The following TRPM6 variants were observed in gnomAD, a reference collection of about 807,000 sequenced individuals.
TRPM6 encodes the protein transient receptor potential cation channel subfamily M member 6.
Under a neutral mutation model 247.6 loss-of-function variants are expected in TRPM6, and 111 were observed. That is an observed-to-expected ratio of 0.45 (90% CI 0.38 to 0.52). The LOEUF (loss-of-function observed/expected upper bound fraction) is 0.52, where lower values mean the gene tolerates loss of function less well. Among genes scored for constraint, TRPM6 ranks in the 20% least tolerant of loss-of-function variants. TRPM6 has a pLI of 0.00. For missense variants in TRPM6, 2,126 were observed against 2,421.5 expected, an observed-to-expected ratio of 0.88 and a Z score of 2.56; for synonymous variants, 892 against 853.8, an observed-to-expected ratio of 1.04 and a Z score of -0.78.
Position 74,855,547 on chromosome 9 carries a change from T to G in TRPM6, c.132A>C (p.Gln44His). The part of the protein sequence containing the change: ...KNPHRCTPVC[Q>H]VCQNLIRCYC... ...CTTACCTGATTAAATTCTGGCAGACTTGGCATACTGGAGTACATCTAAATT... is the reference window on the plus strand; with the variant it reads ...CTTACCTGATTAAATTCTGGCAGACGTGGCATACTGGAGTACATCTAAATT... The change falls in exon 3 of 39, where the codon CAA becomes CAC. Residue 44 changes from glutamine (Q) to histidine (H), a missense_variant. Gln to His is a conservative substitution (Grantham distance 24). Coordinates refer to ENST00000360774, the MANE Select transcript of TRPM6 (RefSeq NM_017662.5). 2 of 1,608,956 alleles carry G rather than the reference T, an allele frequency of 1.2e-6. No individual in the cohort carries two copies. Among genetic ancestry groups the G allele is most frequent in the South Asian group, 1.1e-5 (1 of 90,964 alleles).
In TRPM6 at chr9:74,796,902, G is replaced by GA. The variant is rs771018979; in HGVS notation, c.2239-10dup. The GA allele has an allele frequency of 1.2e-5, 19 of 1,610,404 alleles. No individual in the cohort carries two copies. The highest frequency in any genetic ancestry group is 3.3e-5 in the South Asian group (3 of 90,946). On this transcript the variant is annotated splice_polypyrimidine_tract_variant and intron_variant, in intron 17 of 38. Transcript: ENST00000360774. ...ATAATGCTTATAATAATCTGTAAAA[G>GA]AAAAAAAAGCAAAACAAAGTAGTAG... is the stretch of plus-strand genomic sequence containing the variant.
intron 3 of TRPM6, among the ~76,000 whole-genome samples, chr9:74,853,241 G>T (rs552137055): frequency 6.6e-6 from 1 of 151,958 alleles, no homozygotes; most frequent in African/African-American, 2.4e-5. Context: ...GAAGTGAGGA[G>T]CCCCTCCGCC....
chr9:74,869,047 C>A (rs1830942664), intron 1 of TRPM6, among the ~76,000 whole-genome samples: 1 of 152,102 alleles, frequency 6.6e-6, no homozygotes, highest in African/African-American at 2.4e-5. Flanking sequence ...ACTGATAAGA[C>A]ATACTTAATA....
chr9:74,868,136 C>T (rs1411378204), intron 1 of TRPM6, among the ~76,000 whole-genome samples: 2 of 142,086 alleles, frequency 1.4e-5, no homozygotes, highest in East Asian at 2.1e-4. Context: ...CCTGACAGAG[C>T]GAGACTCCGC....
At chr9:74,842,111 CG>C (rs1829959331) in intron 4 of TRPM6, 54 bp downstream of exon 4, 3 of 1,413,170 alleles carry the variant, frequency 2.1e-6, no homozygotes, top group Middle Eastern at 2.0e-4. Flanking sequence ...AACCCCGTCT[CG>C]AAAAAAAAAA....
At chr9:74,781,364 C>T (rs1827436868) in intron 23 of TRPM6, among the ~76,000 whole-genome samples, 1 of 151,330 alleles carries the variant, frequency 6.6e-6, no homozygotes, top group Non-Finnish European at 1.5e-5. Context: ...GGTGAAACCC[C>T]GTCTCTACTA....
At chr9:74,769,760 AAAGGAAGGAAGG>A (rs566504397) in intron 25 of TRPM6, among the ~76,000 whole-genome samples, 1 of 120,194 alleles carries the variant, frequency 8.3e-6, no homozygotes, top group Non-Finnish European at 1.7e-5. Context: ...CCGTTGAAAT[AAAGGAAGGAAGG>A]AAGGAAGGAA....
At chr9:74,785,105 T>A (rs1387312383) in intron 21 of TRPM6, among the ~76,000 whole-genome samples, 6 of 152,016 alleles carry the variant, frequency 3.9e-5, no homozygotes, top group Non-Finnish European at 8.8e-5. Flanking sequence ...AGACCCTGTC[T>A]CACATAATGA....
intron 33 of TRPM6, among the ~76,000 whole-genome samples, chr9:74,741,773 C>T (rs1454962016): frequency 2.0e-5 from 3 of 151,856 alleles, no homozygotes; most frequent in African/African-American, 7.3e-5. Context: ...GCCTGTAATC[C>T]CAGCTGCATG....
intron 1 of TRPM6, among the ~76,000 whole-genome samples, chr9:74,866,761 G>GT (rs1830858921): frequency 6.6e-6 from 1 of 152,148 alleles, no homozygotes; most frequent in Non-Finnish European, 1.5e-5. Flanking sequence ...GATTACAGGC[G>GT]TGAGCCACCG....
chr9:74,737,834 T>C (rs1445172873), intron 36 of TRPM6, among the ~76,000 whole-genome samples: 1 of 152,204 alleles, frequency 6.6e-6, no homozygotes, highest in Non-Finnish European at 1.5e-5. Context: ...GAAAGCCTGC[T>C]GGAGATACTC....
At chr9:74,821,638 T>A (rs1248265278) in intron 8 of TRPM6, 31 bp downstream of exon 8, 1 of 1,613,698 alleles carries the variant, frequency 6.2e-7, no homozygotes, top group Non-Finnish European at 8.5e-7. Context: ...ACAGCCCCTA[T>A]AGTTTCAAAA....
intron 18 of TRPM6, among the ~76,000 whole-genome samples, chr9:74,795,732 T>C (rs974782466): frequency 6.6e-6 from 1 of 152,188 alleles, no homozygotes; most frequent in African/African-American, 2.4e-5. Context: ...AAAACTCAAG[T>C]CATCACAGGT....
In TRPM6 at chr9:74,846,842, C is replaced by G. The variant is rs574458231; in HGVS notation, c.153-4499G>C. Among the ~76,000 whole-genome samples the G allele has an allele frequency of 1.1e-4, 17 of 152,302 alleles. No homozygotes were observed. The South Asian group carries it at 3.5e-3, about 32-fold the overall frequency. On this transcript the variant is annotated intron_variant, in intron 3 of 38. Transcript: ENST00000360774. Reference sequence around the variant, plus strand: ...GGGATTACAGTCGTGAGCCACTGCTCCCGGCTATTTTACAATATTTTTCTA... The same window carrying G: ...GGGATTACAGTCGTGAGCCACTGCTGCCGGCTATTTTACAATATTTTTCTA...
intron 6 of TRPM6, among the ~76,000 whole-genome samples, chr9:74,831,591 T>G (rs544556169): frequency 4.6e-5 from 7 of 152,166 alleles, no homozygotes; most frequent in Non-Finnish European, 8.8e-5. Flanking sequence ...TATTTTTTCA[T>G]ACTAAAAAGC....
intron 27 of TRPM6, among the ~76,000 whole-genome samples, chr9:74,756,239 T>G (rs1826425762): frequency 1.3e-5 from 2 of 152,180 alleles, no homozygotes; most frequent in Admixed American, 6.5e-5. Context: ...ATCTCTCCCC[T>G]AAAAGGTTCT....
At chr9:74,734,544 T>C (rs1825629234) in intron 36 of TRPM6, among the ~76,000 whole-genome samples, 1 of 152,146 alleles carries the variant, frequency 6.6e-6, no homozygotes. Flanking sequence ...TCTGAAATTG[T>C]GAATAATAAT....
intron 23 of TRPM6, among the ~76,000 whole-genome samples, chr9:74,776,452 G>A (rs959713985): frequency 6.6e-6 from 1 of 152,116 alleles, no homozygotes; most frequent in Non-Finnish European, 1.5e-5. Context: ...CAGCTTTAAT[G>A]TTCCTCTGTA....
intron 11 of TRPM6, among the ~76,000 whole-genome samples, chr9:74,815,881 C>T (rs1828906461): frequency 2.0e-5 from 3 of 152,166 alleles, no homozygotes; most frequent in Non-Finnish European, 4.4e-5. Context: ...ACCTGTAATA[C>T]AGCCACAACT....
Sources: gnomAD v4.1 joint callset for allele counts (sites outside exome capture counted in the v4.1 genomes callset) on GRCh38, gnomAD v4.1.1 for gene constraint, MANE v1.5 for transcripts, NCBI Gene and HGNC (gene_info 2026-07-23, HGNC 2026-07-21) for gene names.